Variants in CACNA1B observed in about 807,000 individuals in gnomAD.
CACNA1B encodes the protein calcium voltage-gated channel subunit alpha1 B.
In CACNA1B, 70 loss-of-function variants were observed where a neutral mutation model predicts 247.2. That is an observed-to-expected ratio of 0.28 (90% CI 0.23 to 0.35). The LOEUF is 0.35. CACNA1B is among the 10% of genes least tolerant of loss of function. CACNA1B has a pLI of 1.00. For synonymous variants in CACNA1B, 1,231 were observed against 1,294.4 expected (o/e 0.95, Z 1.05); for missense variants, 2,367 against 3,197.4 (o/e 0.74, Z 6.26).
Position 138,121,369 on chromosome 9 carries a change from C to T in CACNA1B, c.6490-100C>T. 1 of 931,190 alleles carries T rather than the reference C, an allele frequency of 1.1e-6. No individual in the cohort carries two copies. Among genetic ancestry groups the T allele is most frequent in the Non-Finnish European group, 1.6e-6 (1 of 640,382 alleles). The allele number at this position is 931,190 out of a possible 1,614,324, so 57.7% of individuals were successfully genotyped here. ...TCCCCCATTGCCTCCCTCTCTCCTC[C>T]CATCCCCCCAGGCACCTGTGTGTGA... On this transcript the variant is annotated intron_variant, in intron 46 of 46. Coordinates refer to ENST00000371372, the MANE Select transcript of CACNA1B (RefSeq NM_000718.4). The surrounding 1 kb of genome is among the most constrained non-coding windows in gnomAD (Gnocchi z 6.8).
Position 138,023,331 on chromosome 9 carries a change from CG to C in CACNA1B, c.2593del (p.Asp865ThrfsTer144). On this transcript the variant is annotated frameshift_variant, in exon 19 of 47. Coordinates refer to ENST00000371372, the MANE Select transcript of CACNA1B (RefSeq NM_000718.4). LOFTEE classifies it high-confidence loss of function. Reference sequence around the variant, plus strand: ...CGCGACAAGGACAAGACCCCCGCGGCGGGGGACCAGGACCGAGCAGAGGCCC... The same window carrying C: ...CGCGACAAGGACAAGACCCCCGCGGCGGGGACCAGGACCGAGCAGAGGCCC... ...RHRDKDKTPA[A>X]GDQDRAEAPK... The C allele has an allele frequency of 2.0e-6, 3 of 1,471,266 alleles. No individual in the cohort carries two copies. Among genetic ancestry groups the C allele is most frequent in the Admixed American group, 2.2e-5 (1 of 46,030 alleles). 91.1% of individuals were successfully genotyped at this position (1,471,266 alleles called of 1,614,324 possible). A position where few individuals can be genotyped will look rare whatever the true frequency, so the allele number is the denominator to read the frequency against.
intron 3 of CACNA1B, among the ~76,000 whole-genome samples, chr9:137,908,071 A>G (rs1957317283): frequency 6.6e-6 from 1 of 152,180 alleles, no homozygotes; most frequent in African/African-American, 2.4e-5. Flanking sequence ...TTTTAGCTTA[A>G]CAGTAAGTCT....
At chr9:137,933,837 G>T (rs914420769) in intron 6 of CACNA1B, among the ~76,000 whole-genome samples, 2 of 152,114 alleles carry the variant, frequency 1.3e-5, no homozygotes, top group African/African-American at 4.8e-5. Flanking sequence ...AAATAAAGCT[G>T]ATTGCTAGTA....
At position 137,950,391 on chromosome 9, in the gene CACNA1B, G is replaced by T. The variant is rs1449234897; in HGVS notation, c.967-1883G>T. 1.3e-5 allele frequency among the ~76,000 whole-genome samples: 2 copies of T among 152,234 alleles called. No individual in the cohort carries two copies. The highest frequency in any genetic ancestry group is 1.5e-5 in the Non-Finnish European group (1 of 68,038). On this transcript the variant is annotated intron_variant, in intron 6 of 46. Coordinates refer to ENST00000371372, the MANE Select transcript of CACNA1B (RefSeq NM_000718.4). The surrounding 1 kb of genome is among the most constrained non-coding windows in gnomAD (Gnocchi z 4.8). ...ACTGCCTGTGTAAATGGAAGTCAAG[G>T]TGTCCCGTGTGGTCTTCACTAGTAC...
intron 12 of CACNA1B, 22 bp from the exon 13 acceptor site, chr9:137,984,116 G>A (rs1286081344): frequency 1.9e-6 from 3 of 1,561,272 alleles, no homozygotes; most frequent in African/African-American, 1.4e-5. Flanking sequence ...GTGCACCCAA[G>A]GCTAATGCCA....
intron 31 of CACNA1B, among the ~76,000 whole-genome samples, chr9:138,061,820 G>A (rs1215158948): frequency 6.6e-6 from 1 of 152,236 alleles, no homozygotes; most frequent in Non-Finnish European, 1.5e-5. Context: ...GTGGCTGGTT[G>A]ACAGCCCCAA....
At position 138,087,398 on chromosome 9, in the gene CACNA1B, A is replaced by G. The variant is rs566732902; in HGVS notation, c.5095-9086A>G. Among the ~76,000 whole-genome samples the G allele has an allele frequency of 3.1e-4, 45 of 144,688 alleles. 1 individual carries two copies. The highest frequency in any genetic ancestry group is 8.2e-4 in the African/African-American group (31 of 37,628). The allele number at this position is 144,688 out of a possible 152,430, so 94.9% of individuals were successfully genotyped here. A position where few individuals can be genotyped will look rare whatever the true frequency, so the allele number is the denominator to read the frequency against. On this transcript the variant is annotated intron_variant, in intron 36 of 46. Transcript: ENST00000371372. The stretch of plus-strand genomic sequence containing the variant: ...AGACTCTGTCTCAAAAAAAAAAAAA[A>G]AAAAAGAAAAAGAAAAAAAAGAAAA...
chr9:137,919,054 C>A lies in CACNA1B; in HGVS notation c.966+1623C>A, dbSNP rs1206170973. Among the ~76,000 whole-genome samples, 1 of 152,242 alleles carries A rather than the reference C, an allele frequency of 6.6e-6. No individual in the cohort carries two copies. Among genetic ancestry groups the A allele is most frequent in the African/African-American group, 2.4e-5 (1 of 41,474 alleles). On this transcript the variant is annotated intron_variant, in intron 6 of 46. Coordinates refer to ENST00000371372, the MANE Select transcript of CACNA1B (RefSeq NM_000718.4). This position sits in a 1 kb window ranked among gnomAD's most constrained non-coding sequence, Gnocchi z 4.6. Reference sequence around the variant, plus strand: ...GAAGGACTGTGTGACCAGGTCTCCACAGCCCTCAGTGTCCACTGGGGCTTG... The same window carrying A: ...GAAGGACTGTGTGACCAGGTCTCCAAAGCCCTCAGTGTCCACTGGGGCTTG...
rs528109219 is a variant in CACNA1B at position 137,913,453 on chromosome 9, A to G, written c.622+182A>G. Among the ~76,000 whole-genome samples, 32 of 152,290 alleles carry G rather than the reference A, an allele frequency of 2.1e-4. No homozygotes were observed. Among genetic ancestry groups the G allele is most frequent in the African/African-American group, 7.2e-4 (30 of 41,570 alleles). ...CCTTTTTTGGCCTGTCACACCCTCC[A>G]TGAAAGCCCACAGGGTGATGCTGTT... On this transcript the variant is annotated intron_variant, in intron 4 of 46. Transcript: ENST00000371372. This position sits in a 1 kb window ranked among gnomAD's most constrained non-coding sequence, Gnocchi z 5.2.
chr9:138,050,385 G>A lies in CACNA1B; in HGVS notation c.3710+1070G>A, dbSNP rs867725799. Among the ~76,000 whole-genome samples, 150 of 152,346 alleles carry A rather than the reference G, an allele frequency of 9.8e-4. 2 individuals carry two copies. Among genetic ancestry groups the A allele is most frequent in the African/African-American group, 3.4e-3 (140 of 41,584 alleles). Reference sequence around the variant, plus strand: ...TGGCCTGGAGGGCAGCAAGGGCTCCGGGAGGGAACTGCCACCTGTGGCCAC... The same window carrying A: ...TGGCCTGGAGGGCAGCAAGGGCTCCAGGAGGGAACTGCCACCTGTGGCCAC... On this transcript the variant is annotated intron_variant, in intron 24 of 46. Coordinates refer to ENST00000371372, the MANE Select transcript of CACNA1B (RefSeq NM_000718.4). This position sits in a 1 kb window ranked among gnomAD's most constrained non-coding sequence, Gnocchi z 5.2.
chr9:138,028,240 C>CT (rs1305161692), intron 20 of CACNA1B, among the ~76,000 whole-genome samples: 1 of 152,040 alleles, frequency 6.6e-6, no homozygotes, highest in Non-Finnish European at 1.5e-5. Context: ...CCAGGCTGAT[C>CT]TTAAACTCCT....
At chr9:138,089,658 GA>G (rs1211974871) in intron 36 of CACNA1B, among the ~76,000 whole-genome samples, 1 of 151,768 alleles carries the variant, frequency 6.6e-6, no homozygotes, top group African/African-American at 2.4e-5. Context: ...AGTTATGTAA[GA>G]AAAAAAATAA....
rs1957967792 is a variant in CACNA1B, at chr9:137,957,806, G to A, written c.1333+119G>A. 1.0e-4 allele frequency: 63 copies of A among 616,514 alleles called. No individual in the cohort carries two copies. In the South Asian group the frequency reaches 1.3e-3, roughly 13 times the overall value. The allele number at this position is 616,514 out of a possible 1,614,324, so 38.2% of individuals were successfully genotyped here. Reference sequence around the variant, plus strand: ...CCCCTTCTTGCCCAAACGCCTGCAGGCTCCTTTCAGACAGTTTGCTGCTCC... The same window carrying A: ...CCCCTTCTTGCCCAAACGCCTGCAGACTCCTTTCAGACAGTTTGCTGCTCC... On this transcript the variant is annotated intron_variant, in intron 10 of 46. Coordinates refer to ENST00000371372, the MANE Select transcript of CACNA1B (RefSeq NM_000718.4). This position sits in a 1 kb window ranked among gnomAD's most constrained non-coding sequence, Gnocchi z 4.7.
chr9:137,975,598 G>C (rs531174732), intron 11 of CACNA1B, among the ~76,000 whole-genome samples: 1 of 152,282 alleles, frequency 6.6e-6, no homozygotes, highest in South Asian at 2.1e-4. Flanking sequence ...TGAGGAGGGG[G>C]CACCCCCATG....
intron 31 of CACNA1B, among the ~76,000 whole-genome samples, chr9:138,066,146 T>TA (rs2133521159): frequency 6.6e-6 from 1 of 152,314 alleles, no homozygotes; most frequent in Non-Finnish European, 1.5e-5. Context: ...CAATTCCATG[T>TA]AATTTGGGCT....
At chr9:137,967,905 C>T (rs926067649) in intron 10 of CACNA1B, among the ~76,000 whole-genome samples, 1 of 152,218 alleles carries the variant, frequency 6.6e-6, no homozygotes, top group African/African-American at 2.4e-5. Context: ...GTTGCTTGCT[C>T]TGCTCCTGTC....
intron 6 of CACNA1B, among the ~76,000 whole-genome samples, chr9:137,939,156 G>A (rs1295397744): frequency 6.6e-6 from 1 of 152,092 alleles, no homozygotes; most frequent in East Asian, 1.9e-4. Flanking sequence ...GCACTAACAG[G>A]TCATCAAGGC....
intron 37 of CACNA1B, among the ~76,000 whole-genome samples, chr9:138,099,295 G>A (rs1352825795): frequency 6.6e-6 from 1 of 152,192 alleles, no homozygotes; most frequent in Non-Finnish European, 1.5e-5. Flanking sequence ...GCGCGCACGT[G>A]TGTGCATGTT....
chr9:137,922,105 C>G (rs920500594), intron 6 of CACNA1B, among the ~76,000 whole-genome samples: 1 of 148,760 alleles, frequency 6.7e-6, no homozygotes, highest in Non-Finnish European at 1.5e-5. Context: ...ATGATCAGCA[C>G]CGCGATCACA....
Sources: gnomAD v4.1 joint callset for allele counts (sites outside exome capture counted in the v4.1 genomes callset) on GRCh38, gnomAD v4.1.1 for gene constraint, Gnocchi (gnomAD v3.1) non-coding constraint, MANE v1.5 for transcripts, NCBI Gene and HGNC (gene_info 2026-07-23, HGNC 2026-07-21) for gene names.